The following SMURF1 variants were observed in gnomAD, a reference collection of about 807,000 sequenced individuals.
SMURF1 encodes the protein SMAD specific E3 ubiquitin protein ligase 1, also known as E3 ubiquitin-protein ligase SMURF1.
Under a neutral mutation model 98.0 loss-of-function variants are expected in SMURF1, and 44 were observed. That is an observed-to-expected ratio of 0.45 (90% confidence interval 0.35 to 0.58). The LOEUF (loss-of-function observed/expected upper bound fraction) is 0.58. Among genes scored for constraint, SMURF1 ranks in the 20% least tolerant of loss-of-function variants. The pLI, the probability that SMURF1 is intolerant of heterozygous loss-of-function variation, is 0.00. For synonymous variants in SMURF1, 396 were observed against 374.9 expected, an observed-to-expected ratio of 1.06 and a Z score of -0.65; for missense variants, 687 against 938.4, an observed-to-expected ratio of 0.73 and a Z score of 3.50.
intron 1 of SMURF1, among the ~76,000 whole-genome samples, chr7:99,089,764 T>G (rs1193578856): frequency 6.6e-6 from 1 of 152,202 alleles, no homozygotes; most frequent in Non-Finnish European, 1.5e-5. Flanking sequence ...CTCTAATCGA[T>G]CCATTTAACT....
intron 14 of SMURF1, among the ~76,000 whole-genome samples, chr7:99,037,701 T>C (rs1422073454): frequency 6.6e-6 from 1 of 152,174 alleles, no homozygotes; most frequent in Non-Finnish European, 1.5e-5. Flanking sequence ...CATTCCGATT[T>C]GCTCGCGAAA....
At chr7:99,142,711 A>C (rs1301934102) in intron 1 of SMURF1, among the ~76,000 whole-genome samples, 2 of 73,164 alleles carry the variant, frequency 2.7e-5, no homozygotes, top group African/African-American at 1.1e-4. Context: ...GGGAGAAGCA[A>C]GGGGGCAAGT....
intron 1 of SMURF1, among the ~76,000 whole-genome samples, chr7:99,132,110 G>C (rs1375724753): frequency 2.0e-5 from 3 of 152,174 alleles, no homozygotes; most frequent in Non-Finnish European, 2.9e-5. Flanking sequence ...GAATGGCCCA[G>C]AAGCCCAAGA....
chr7:99,053,567 T>C (rs1018618857), intron 6 of SMURF1, among the ~76,000 whole-genome samples: 1 of 152,256 alleles, frequency 6.6e-6, no homozygotes, highest in Non-Finnish European at 1.5e-5. Context: ...CAGGTTCTCC[T>C]TCCCTCCTGT....
chr7:99,137,734 C>T (rs1265729083), intron 1 of SMURF1, among the ~76,000 whole-genome samples: 24 of 152,000 alleles, frequency 1.6e-4, no homozygotes, highest in Non-Finnish European at 1.0e-4. Context: ...CAGAGTGGGG[C>T]GCGTCACCAG....
In SMURF1 at chr7:99,061,346, A is replaced by G. The variant is rs560031250; in HGVS notation, c.94+453T>C. ...CAGATACTGCATGACTTTCTTAAGG[A>G]GTGATTCCTTCCTTTAGAAAAGGAG... On this transcript the variant is annotated intron_variant, in intron 2 of 17. Transcript: ENST00000361368. Among the ~76,000 whole-genome samples the G allele has an allele frequency of 2.3e-4, 35 of 152,354 alleles. 1 individual carries two copies. Among genetic ancestry groups the G allele is most frequent in the Admixed American group, 2.2e-3 (33 of 15,302 alleles).
intron 1 of SMURF1, among the ~76,000 whole-genome samples, chr7:99,099,663 C>T (rs1797030932): frequency 6.6e-6 from 1 of 152,070 alleles, no homozygotes; most frequent in South Asian, 2.1e-4. Context: ...GGGTGGAGCT[C>T]TCATGAATAG....
At chr7:99,081,982 G>A (rs932942156) in intron 1 of SMURF1, among the ~76,000 whole-genome samples, 2 of 152,198 alleles carry the variant, frequency 1.3e-5, no homozygotes, top group African/African-American at 4.8e-5. Context: ...TAGCCATCTA[G>A]TGAGTCTACG....
intron 1 of SMURF1, among the ~76,000 whole-genome samples, chr7:99,079,380 C>G (rs1796534827): frequency 6.6e-6 from 1 of 152,184 alleles, no homozygotes; most frequent in African/African-American, 2.4e-5. Flanking sequence ...CCTCCTGCAG[C>G]TCCTCCCCAG....
intron 15 of SMURF1, 46 bp from the exon 16 acceptor site, chr7:99,035,762 C>T (rs1795111830): frequency 1.3e-6 from 2 of 1,586,414 alleles, no homozygotes; most frequent in Admixed American, 1.8e-5. Context: ...TGCATAAACC[C>T]ACGTCAGGAT....
rs1163613884 is a variant in SMURF1 at position 99,028,538 on chromosome 7, C to A, written c.*2046G>T. 6.6e-6 allele frequency: 1 copy of A among 152,340 alleles called. No homozygotes were observed. The highest frequency in any genetic ancestry group is 1.5e-5 in the Non-Finnish European group (1 of 68,138). 9.4% of individuals were successfully genotyped at this position (152,340 alleles called of 1,614,324 possible). On this transcript the variant is annotated 3_prime_UTR_variant, in exon 18 of 18. Transcript: ENST00000361368. ...CCCGGCACGAGAGGCAGGGCAGCAC[C>A]AACCAGCATGGGGATGGCGGTGCAG...
Position 99,040,370 on chromosome 7 carries a change from A to G in SMURF1, c.1550+8T>C, listed in dbSNP as rs1795331567. 5 of 1,500,378 alleles carry G rather than the reference A, an allele frequency of 3.3e-6. No individual in the cohort carries two copies. The East Asian group carries it at 7.4e-5, about 22-fold the overall frequency. 92.9% of individuals were successfully genotyped at this position (1,500,378 alleles called of 1,614,324 possible). On this transcript the variant is annotated splice_region_variant and intron_variant, in intron 13 of 17. Transcript: ENST00000361368. The stretch of plus-strand genomic sequence containing the variant: ...AAGCCAGGTGACCGGCCGTCAGTCA[A>G]TACTTACAGGATCCACACCAAGCTC...
intron 15 of SMURF1, chr7:99,036,007 G>A (rs559958609): frequency 2.3e-5 from 10 of 436,202 alleles, no homozygotes; most frequent in African/African-American, 4.0e-5. Flanking sequence ...TCGGTGAGGA[G>A]TATCAAAGAA....
At chr7:99,124,016 G>A (rs879579950) in intron 1 of SMURF1, among the ~76,000 whole-genome samples, 1 of 152,158 alleles carries the variant, frequency 6.6e-6, no homozygotes, top group Non-Finnish European at 1.5e-5. Flanking sequence ...TTTGGCCAAG[G>A]CTACTGGTAT....
chr7:99,078,809 G>A (rs1329516251), intron 1 of SMURF1, among the ~76,000 whole-genome samples: 1 of 152,144 alleles, frequency 6.6e-6, no homozygotes, highest in African/African-American at 2.4e-5. Context: ...AACAAGTTCA[G>A]GGCTCCCACT....
At chr7:99,062,996 T>C (rs987490633) in intron 1 of SMURF1, among the ~76,000 whole-genome samples, 2 of 151,806 alleles carry the variant, frequency 1.3e-5, no homozygotes, top group African/African-American at 4.8e-5. Context: ...AGTGACTGTG[T>C]CAGGGAGACA....
intron 1 of SMURF1, among the ~76,000 whole-genome samples, chr7:99,108,347 C>A (rs1288062289): frequency 1.3e-5 from 2 of 151,596 alleles, no homozygotes; most frequent in South Asian, 2.1e-4. Flanking sequence ...TGGTGGCTCA[C>A]GCTTGTAATC....
rs145052484 is a variant in SMURF1, at chr7:99,038,519, G to A, written c.1557C>T (p.Asn519=). 5.1e-5 allele frequency: 83 copies of A among 1,613,806 alleles called. No homozygotes were observed. The highest frequency in any genetic ancestry group is 4.6e-4 in the South Asian group (42 of 91,032). The change falls in exon 14 of 18, where the codon AAC becomes AAT. Residue 519 remains asparagine, a synonymous_variant. Transcript: ENST00000361368. ...TGTGGTCCAGTACAGGCGTGATGTC[G>A]TTCTCTCTGTTGAAATAAGACAGAA... The part of the protein sequence containing the change: ...LHKSLVWILE[N]DITPVLDHTF...
At chr7:99,060,577 G>A in intron 3 of SMURF1, 22 bp downstream of exon 3, 1 of 1,570,200 alleles carries the variant, frequency 6.4e-7, no homozygotes. Flanking sequence ...TCCGCATGGG[G>A]CTTACAGAAC....
Sources: allele counts gnomAD v4.1 joint callset (sites outside exome capture counted in the v4.1 genomes callset), GRCh38; gene constraint gnomAD v4.1.1; transcripts MANE v1.5; gene names NCBI Gene and HGNC (gene_info 2026-07-23, HGNC 2026-07-21).